The following CLNK variants were observed in gnomAD, a reference collection of about 807,000 sequenced individuals.
The protein encoded by CLNK is cytokine-dependent hematopoietic cell linker.
In CLNK, 74 loss-of-function variants were observed where a neutral mutation model predicts 68.6. That is an observed-to-expected ratio of 1.08 (90% CI 0.89 to 1.31). CLNK has a LOEUF of 1.31. Among genes scored for constraint, CLNK ranks in the 50% most tolerant of loss-of-function variants. The pLI is 0.00. For missense variants in CLNK, 553 were observed against 515.3 expected (o/e 1.07, Z -0.71); for synonymous variants, 198 against 172.2 (o/e 1.15, Z -1.17).
intron 18 of CLNK, among the ~76,000 whole-genome samples, chr4:10,497,023 AT>A (rs1716836861): frequency 1.3e-5 from 2 of 152,210 alleles, no homozygotes; most frequent in African/African-American, 4.8e-5. Flanking sequence ...TTTGTTCAAG[AT>A]GCCAAGAATC....
the CLNK span, among the ~76,000 whole-genome samples, chr4:10,717,087 T>G: frequency 3.3e-5 from 5 of 152,086 alleles, no homozygotes; most frequent in Non-Finnish European, 5.9e-5. Flanking sequence ...ATGGTCACTT[T>G]GCTTGTTTGA....
At chr4:10,567,875 GT>G (rs1318521250) in intron 5 of CLNK, among the ~76,000 whole-genome samples, 2 of 152,170 alleles carry the variant, frequency 1.3e-5, no homozygotes, top group African/African-American at 4.8e-5. Context: ...ACAATGAGAT[GT>G]CAGCCATACA....
intron 2 of CLNK, among the ~76,000 whole-genome samples, chr4:10,600,975 G>A (rs1000201593): frequency 3.9e-5 from 6 of 152,188 alleles, no homozygotes; most frequent in African/African-American, 1.4e-4. Flanking sequence ...AACAGACTGG[G>A]AGCTACCTCT....
intron 16 of CLNK, among the ~76,000 whole-genome samples, chr4:10,508,703 TA>T (rs1717421110): frequency 6.6e-6 from 1 of 152,188 alleles, no homozygotes; most frequent in African/African-American, 2.4e-5. Flanking sequence ...CCAGCATCTA[TA>T]AGGTCCTTCC....
rs1037520460 is a variant in CLNK at position 10,488,701 on chromosome 4, G to T, written c.*1766C>A. Reference sequence around the variant, plus strand: ...TAACTTATAGGCATCACTTCACATTGACCTTGTGAAAGGAGAACACCTGAG... The same window carrying T: ...TAACTTATAGGCATCACTTCACATTTACCTTGTGAAAGGAGAACACCTGAG... On this transcript the variant is annotated 3_prime_UTR_variant, in exon 19 of 19. Transcript: ENST00000226951. 5 of 152,158 alleles carry T rather than the reference G, an allele frequency of 3.3e-5. No homozygotes were observed. In the South Asian group the frequency reaches 1.0e-3, roughly 32 times the overall value. 9.4% of individuals were successfully genotyped at this position (152,158 alleles called of 1,614,324 possible). A position where few individuals can be genotyped will look rare whatever the true frequency, so the allele number is the denominator to read the frequency against.
intron 1 of CLNK, among the ~76,000 whole-genome samples, chr4:10,682,465 C>T (rs146687934): frequency 5.9e-5 from 9 of 152,324 alleles, no homozygotes; most frequent in African/African-American, 2.2e-4. Context: ...TGCTACTCTT[C>T]ATGTGAAAAT....
At chr4:10,701,221 A>G in the CLNK span, among the ~76,000 whole-genome samples, 1 of 152,226 alleles carries the variant, frequency 6.6e-6, no homozygotes, top group Non-Finnish European at 1.5e-5. Flanking sequence ...GCAAGCAGAC[A>G]TTGTCAATTT....
chr4:10,726,997 T>C, the CLNK span, among the ~76,000 whole-genome samples: 1 of 152,216 alleles, frequency 6.6e-6, no homozygotes, highest in Non-Finnish European at 1.5e-5. Flanking sequence ...TTGAGCATCA[T>C]CACATCAAGT....
chr4:10,694,022 G>A, the CLNK span, among the ~76,000 whole-genome samples: 8 of 151,946 alleles, frequency 5.3e-5, no homozygotes, highest in African/African-American at 9.7e-5. Flanking sequence ...AAAGACTGTC[G>A]TATCTTCTGG....
intron 5 of CLNK, among the ~76,000 whole-genome samples, chr4:10,566,542 G>T (rs570414897): frequency 5.9e-5 from 9 of 152,128 alleles, no homozygotes; most frequent in South Asian, 2.1e-4. Flanking sequence ...TGTATTTGAA[G>T]AATTCACTAA....
intron 15 of CLNK, among the ~76,000 whole-genome samples, chr4:10,516,236 A>G (rs1320041661): frequency 6.6e-6 from 1 of 152,230 alleles, no homozygotes; most frequent in Non-Finnish European, 1.5e-5. Context: ...CAAAAATAAC[A>G]TGAAATGGAA....
chr4:10,602,766 C>T (rs914209816), intron 2 of CLNK, among the ~76,000 whole-genome samples: 4 of 152,152 alleles, frequency 2.6e-5, no homozygotes, highest in Non-Finnish European at 4.4e-5. Flanking sequence ...AGACTCCCAT[C>T]CAAACACAGG....
chr4:10,676,451 G>A (rs1368201290), intron 1 of CLNK, among the ~76,000 whole-genome samples: 1 of 122,100 alleles, frequency 8.2e-6, no homozygotes, highest in African/African-American at 3.1e-5. Flanking sequence ...CTGCTATTAT[G>A]TATGGCACAT....
At chr4:10,570,124 G>A (rs1165926082) in intron 5 of CLNK, among the ~76,000 whole-genome samples, 1 of 152,236 alleles carries the variant, frequency 6.6e-6, no homozygotes, top group African/African-American at 2.4e-5. Context: ...GGATTTGACA[G>A]ATGGGTATTT....
intron 2 of CLNK, among the ~76,000 whole-genome samples, chr4:10,621,778 G>A (rs752468262): frequency 5.3e-5 from 8 of 152,150 alleles, no homozygotes; most frequent in Non-Finnish European, 1.2e-4. Context: ...AACTTTCTTT[G>A]TGTGCTGTGG....
chr4:10,564,585 C>A (rs550860279), intron 7 of CLNK, 86 bp downstream of exon 7: 3 of 897,772 alleles, frequency 3.3e-6, no homozygotes, highest in South Asian at 2.8e-5. Flanking sequence ...AATAAGATGG[C>A]CTGGGGGACA....
chr4:10,607,494 C>T (rs2079685), intron 2 of CLNK, among the ~76,000 whole-genome samples: 103,763 of 152,112 alleles, frequency 0.68, 36,370 homozygotes, highest in East Asian at 0.77. Flanking sequence ...GCAAACCCTA[C>T]TCAGAGATTG....
intron 2 of CLNK, among the ~76,000 whole-genome samples, chr4:10,651,750 C>T (rs1444686673): frequency 3.9e-5 from 6 of 151,980 alleles, no homozygotes; most frequent in African/African-American, 1.4e-4. Context: ...ACAGCAGTAG[C>T]ATATAAATTG....
At chr4:10,595,262 T>C (rs989171669) in intron 3 of CLNK, among the ~76,000 whole-genome samples, 3 of 152,220 alleles carry the variant, frequency 2.0e-5, no homozygotes, top group Admixed American at 6.5e-5. Flanking sequence ...GAATGCCTAC[T>C]TCAAAGCATT....
Sources: allele counts gnomAD v4.1 joint callset (sites outside exome capture counted in the v4.1 genomes callset), GRCh38; gene constraint gnomAD v4.1.1; transcripts MANE v1.5; gene names NCBI Gene and HGNC (gene_info 2026-07-23, HGNC 2026-07-21).